POTEC: variants seen among roughly 807,000 people sequenced by gnomAD.
The protein encoded by POTEC is POTE ankyrin domain family member C.
Under a neutral mutation model 62.0 loss-of-function variants are expected in POTEC, and 35 were observed. The observed-to-expected ratio is 0.56, with a 90% CI of 0.43 to 0.75. The LOEUF (loss-of-function observed/expected upper bound fraction) is 0.75. POTEC is among the 30% of genes least tolerant of loss of function. The pLI, the probability that POTEC is intolerant of heterozygous loss-of-function variation, is 0.00. For missense variants in POTEC, 472 were observed against 655.9 expected (o/e 0.72, Z 3.06); for synonymous variants, 156 against 221.5 (o/e 0.70, Z 2.62).
chr18:14,518,636 G>T (rs1234679895), intron 9 of POTEC, among the ~76,000 whole-genome samples: 2 of 142,706 alleles, frequency 1.4e-5, no homozygotes, highest in East Asian at 4.0e-4. Context: ...TCAGAAAGTG[G>T]TTGTTCCTTA....
intron 9 of POTEC, 90 bp from the exon 10 acceptor site, chr18:14,513,875 A>G (rs1910079979): frequency 1.3e-6 from 2 of 1,590,874 alleles, no homozygotes; most frequent in Non-Finnish European, 8.5e-7. Flanking sequence ...TCATTCACAC[A>G]ATGCATATCT....
intron 5 of POTEC, chr18:14,531,711 C>T (rs1194747175): frequency 6.6e-6 from 1 of 151,876 alleles, no homozygotes; most frequent in African/African-American, 2.4e-5. Flanking sequence ...TGTGCTGCCT[C>T]CTTATGCAGA....
At chr18:14,542,527 C>A in intron 1 of POTEC, 99 bp downstream of exon 1, 1 of 1,564,012 alleles carries the variant, frequency 6.4e-7, no homozygotes, top group Non-Finnish European at 8.7e-7. Flanking sequence ...GTGGGGCCTG[C>A]GGAGGAAGAG....
rs1284037679 is a variant in POTEC at position 14,508,401 on chromosome 18, C to G, written c.*3497G>C. On this transcript the variant is annotated 3_prime_UTR_variant, in exon 11 of 11. Coordinates refer to ENST00000358970, the MANE Select transcript of POTEC (RefSeq NM_001137671.2). ...TGAGATGGAGCTGGTCTGACCTCAG[C>G]CCTCCCTAGTCTGCTTGCCTCTCCC... The G allele has an allele frequency of 2.0e-5, 3 of 152,558 alleles. No homozygotes were observed. Among genetic ancestry groups the G allele is most frequent in the Non-Finnish European group, 4.4e-5 (3 of 68,042 alleles). 9.5% of individuals were successfully genotyped at this position (152,558 alleles called of 1,614,324 possible). A position where few individuals can be genotyped will look rare whatever the true frequency, so the allele number is the denominator to read the frequency against.
chr18:14,542,531 G>A lies in POTEC; in HGVS notation c.521+95C>T, dbSNP rs1334282236. ...CCCAGGGTGGTGTGGGGCCTGCGGA[G>A]GAAGAGAAAGCCTGGCTCCTCCCTC... On this transcript the variant is annotated intron_variant, in intron 1 of 10. Transcript: ENST00000358970. 5.7e-6 allele frequency: 9 copies of A among 1,572,410 alleles called. No individual in the cohort carries two copies. In the African/African-American group the frequency reaches 6.7e-5, roughly 12 times the overall value.
intron 7 of POTEC, 62 bp downstream of exon 7, chr18:14,524,851 A>C: frequency 6.3e-7 from 1 of 1,575,060 alleles, no homozygotes; most frequent in Non-Finnish European, 8.6e-7. Context: ...TGGACTATCT[A>C]ATATCGTTAA....
intron 9 of POTEC, among the ~76,000 whole-genome samples, chr18:14,518,277 G>A (rs1910217749): frequency 6.6e-6 from 1 of 151,042 alleles, no homozygotes; most frequent in African/African-American, 2.4e-5. Context: ...AGACAGATAA[G>A]GCAAAATATA....
intron 6 of POTEC, among the ~76,000 whole-genome samples, chr18:14,528,245 C>T (rs1048121065): frequency 6.6e-6 from 1 of 152,186 alleles, no homozygotes; most frequent in African/African-American, 2.4e-5. Context: ...AACTTCCCTG[C>T]TCAAATTTCT....
chr18:14,542,777 C>T lies in POTEC; in HGVS notation c.370G>A (p.Asp124Asn), dbSNP rs757254028. The T allele has an allele frequency of 1.2e-5, 19 of 1,613,698 alleles. No homozygotes were observed. In the Admixed American group the frequency reaches 2.2e-4, roughly 18 times the overall value. Reference sequence around the variant, plus strand: ...CTCGGCTCCATGAAGGCGCTGTCGTCGTAGTCTCCCCAAGCGCCCACGTTG... The same window carrying T: ...CTCGGCTCCATGAAGGCGCTGTCGTTGTAGTCTCCCCAAGCGCCCACGTTG... ...KSNVGAWGDY[D>N]DSAFMEPRYH... is the part of the protein sequence containing the mutation. The change falls in exon 1 of 11, where the codon GAC becomes AAC. Residue 124 changes from aspartate (D) to asparagine (N), a missense_variant. Asp to Asn is a conservative substitution (Grantham distance 23). This residue lies in a region of POTEC where 257 missense variants were observed against 250.7 expected (regional missense o/e 1.03). Coordinates refer to ENST00000358970, the MANE Select transcript of POTEC (RefSeq NM_001137671.2).
In POTEC at chr18:14,507,933, C is replaced by T. The variant is rs1347463855; in HGVS notation, c.*3965G>A. 2 of 152,180 alleles carry T rather than the reference C, an allele frequency of 1.3e-5. No individual in the cohort carries two copies. Among genetic ancestry groups the T allele is most frequent in the African/African-American group, 2.4e-5 (1 of 41,440 alleles). 9.4% of individuals were successfully genotyped at this position (152,180 alleles called of 1,614,324 possible). A position where few individuals can be genotyped will look rare whatever the true frequency, so the allele number is the denominator to read the frequency against. ...GCTTGTACAGTTTCAGTTGAGAGGTCTGCTAAGTCTGATGGAATTCCCTTT... is the reference window on the plus strand; with the variant it reads ...GCTTGTACAGTTTCAGTTGAGAGGTTTGCTAAGTCTGATGGAATTCCCTTT... On this transcript the variant is annotated 3_prime_UTR_variant, in exon 11 of 11. Transcript: ENST00000358970.
chr18:14,530,173 A>G (rs1295305861), intron 6 of POTEC, among the ~76,000 whole-genome samples: 3 of 151,878 alleles, frequency 2.0e-5, no homozygotes, highest in Non-Finnish European at 4.4e-5. Context: ...TGTGCTTCAT[A>G]TGAGAATCTA....
chr18:14,520,883 C>T (rs71234982), intron 9 of POTEC, among the ~76,000 whole-genome samples: 3 of 152,046 alleles, frequency 2.0e-5, no homozygotes, highest in African/African-American at 7.2e-5. Flanking sequence ...GCTGAGGTGG[C>T]AGGATTACTA....
rs748158123 is a variant in POTEC at position 14,537,955 on chromosome 18, T to C, written c.656A>G (p.Asp219Gly). 4 of 1,612,358 alleles carry C rather than the reference T, an allele frequency of 2.5e-6. No homozygotes were observed. The highest frequency in any genetic ancestry group is 2.2e-5 in the East Asian group (1 of 44,838). The change falls in exon 3 of 11, where the codon GAT becomes GGT. Residue 219 changes from aspartate to glycine, a missense_variant. Asp to Gly is a moderately conservative substitution (Grantham distance 94). Coordinates refer to ENST00000358970, the MANE Select transcript of POTEC (RefSeq NM_001137671.2). ...TTCCAGCAACATTAACACACATTCA[T>C]CTTCCTGGCATTGTACGGCCTGTCA... ...ALIKAVQCQE[D>G]ECVLMLLEHG...
At position 14,524,891 on chromosome 18, in the gene POTEC, T is replaced by C. The variant is rs759127615; in HGVS notation, c.1197+22A>G. 7.5e-6 allele frequency: 12 copies of C among 1,603,542 alleles called. No individual in the cohort carries two copies. The Admixed American group carries it at 1.5e-4, about 21-fold the overall frequency. On this transcript the variant is annotated intron_variant, in intron 7 of 10. Coordinates refer to ENST00000358970, the MANE Select transcript of POTEC (RefSeq NM_001137671.2). The stretch of plus-strand genomic sequence containing the variant: ...AAGAAAACAACATTAAATCAAAAAT[T>C]TAAATTTAAAATTTTCCATGCCTCT...
chr18:14,525,296 C>G (rs1346510838), intron 6 of POTEC, among the ~76,000 whole-genome samples: 4 of 151,960 alleles, frequency 2.6e-5, no homozygotes, highest in African/African-American at 4.8e-5. Context: ...AATAGTGAAG[C>G]AGGAAATGTA....
At chr18:14,529,127 G>A (rs1228659827) in intron 6 of POTEC, 1 of 395,548 alleles carries the variant, frequency 2.5e-6, no homozygotes, top group African/African-American at 2.1e-5. Flanking sequence ...CATCACATAT[G>A]TCTGGCACAT....
rs577352291 is a variant in POTEC, at chr18:14,535,178, T to C, written c.811-171A>G. On this transcript the variant is annotated intron_variant, in intron 3 of 10. Transcript: ENST00000358970. ...CCACTCCTTCCCTTGGAAACATCCCTTCTCTGCCTCACCACATTAAATCTG... is the reference window on the plus strand; with the variant it reads ...CCACTCCTTCCCTTGGAAACATCCCCTCTCTGCCTCACCACATTAAATCTG... Among the ~76,000 whole-genome samples the C allele has an allele frequency of 3.3e-5, 5 of 151,306 alleles. No homozygotes were observed. In the South Asian group the frequency reaches 1.1e-3, roughly 32 times the overall value.
At chr18:14,515,666 AAATAAAT>A (rs1427987471) in intron 9 of POTEC, among the ~76,000 whole-genome samples, 4 of 151,098 alleles carry the variant, frequency 2.6e-5, no homozygotes, top group Admixed American at 6.6e-5. Context: ...ATAAATAAAT[AAATAAAT>A]AAATACCTAA....
At chr18:14,534,303 C>A (rs1905633100) in intron 4 of POTEC, among the ~76,000 whole-genome samples, 1 of 151,588 alleles carries the variant, frequency 6.6e-6, no homozygotes, top group South Asian at 2.1e-4. Context: ...TATCTTCACT[C>A]CCTCTCTCCA....
Sources: gnomAD v4.1 joint callset for allele counts (sites outside exome capture counted in the v4.1 genomes callset) on GRCh38, gnomAD v4.1.1 for gene constraint, gnomAD v4.1.1 regional missense constraint, MANE v1.5 for transcripts, NCBI Gene and HGNC (gene_info 2026-07-23, HGNC 2026-07-21) for gene names.